The following CEMIP variants were observed in gnomAD, a reference collection of about 807,000 sequenced individuals.
CEMIP encodes cell migration inducing hyaluronidase 1.
Under a neutral mutation model 156.9 loss-of-function variants are expected in CEMIP, and 105 were observed. The ratio of observed to expected loss-of-function variants is 0.67; its 90% CI spans 0.57 to 0.79. CEMIP has a LOEUF of 0.79. Among genes scored for constraint, CEMIP ranks in the 30% least tolerant of loss-of-function variants. The pLI, the probability that CEMIP is intolerant of heterozygous loss-of-function variation, is 0.00. For missense variants in CEMIP, 1,457 were observed against 1,769.4 expected (o/e 0.82, Z 3.17); for synonymous variants, 676 against 668.4 (o/e 1.01, Z -0.17).
rs185473941 is a variant in CEMIP, at chr15:80,932,964, T to A, written c.2794-281T>A. On this transcript the variant is annotated intron_variant, in intron 22 of 29. Transcript: ENST00000394685. The surrounding 1 kb of genome is among the most constrained non-coding windows in gnomAD (Gnocchi z 4.5). ...ATCTCTGCAGTTGGTGAAGGCTGTG[T>A]GTCAGAGCAGTCTCCAAGCTCATCC... 7.9e-5 allele frequency among the ~76,000 whole-genome samples: 12 copies of A among 152,208 alleles called. No individual in the cohort carries two copies. Among genetic ancestry groups the A allele is most frequent in the African/African-American group, 2.9e-4 (12 of 41,448 alleles).
intron 1 of CEMIP, among the ~76,000 whole-genome samples, chr15:80,831,169 T>C (rs16972446): frequency 0.26 from 39,566 of 152,014 alleles, 5,180 homozygotes; most frequent in East Asian, 0.4. Context: ...ACTCCGCGTG[T>C]TTGAGAAAGA....
chr15:80,868,917 A>T (rs982093601), intron 1 of CEMIP, among the ~76,000 whole-genome samples: 2 of 152,178 alleles, frequency 1.3e-5, no homozygotes, highest in African/African-American at 4.8e-5. Flanking sequence ...TAGGTGATTT[A>T]CTCGAGGATG....
intron 6 of CEMIP, 127 bp downstream of exon 6, chr15:80,881,263 G>C: frequency 1.2e-6 from 1 of 856,184 alleles, no homozygotes; most frequent in East Asian, 2.4e-5. Context: ...GGGAATCCCT[G>C]CCTTCAAGGA....
chr15:80,811,665 C>G (rs1295802458), intron 1 of CEMIP, among the ~76,000 whole-genome samples: 1 of 152,226 alleles, frequency 6.6e-6, no homozygotes, highest in Non-Finnish European at 1.5e-5. Flanking sequence ...AACGATCCTC[C>G]TGTCTCAGCC....
intron 4 of CEMIP, among the ~76,000 whole-genome samples, chr15:80,879,256 C>A (rs930685981): frequency 3.3e-5 from 5 of 152,154 alleles, no homozygotes; most frequent in Non-Finnish European, 5.9e-5. Flanking sequence ...GGGTTCTGCT[C>A]GTGAATTCAA....
intron 14 of CEMIP, among the ~76,000 whole-genome samples, chr15:80,917,840 A>C (rs1900327893): frequency 6.6e-6 from 1 of 152,228 alleles, no homozygotes; most frequent in Admixed American, 6.5e-5. Context: ...AAAAAAAATT[A>C]AAATTGAATA....
At chr15:80,896,698 G>C (rs1377524719) in intron 12 of CEMIP, among the ~76,000 whole-genome samples, 1 of 152,150 alleles carries the variant, frequency 6.6e-6, no homozygotes, top group Non-Finnish European at 1.5e-5. Flanking sequence ...TATAATCCAG[G>C]TCAATTATTC....
At chr15:80,803,485 A>C (rs1339448399) in intron 1 of CEMIP, among the ~76,000 whole-genome samples, 1 of 152,222 alleles carries the variant, frequency 6.6e-6, no homozygotes, top group Non-Finnish European at 1.5e-5. Flanking sequence ...ATGAAAAAGA[A>C]TCTTAGAAGC....
At position 80,838,598 on chromosome 15, in the gene CEMIP, G is replaced by T. The variant is rs184448637; in HGVS notation, c.-175-34940G>T. On this transcript the variant is annotated intron_variant, in intron 1 of 29. Transcript: ENST00000394685. ...TAAGAAGTTCTCTTTCCTCTATGTT[G>T]TTCTACGCGCCTCATCCACCTCACT... Among the ~76,000 whole-genome samples the T allele has an allele frequency of 2.1e-4, 32 of 152,084 alleles. No individual in the cohort carries two copies. In the East Asian group the frequency reaches 4.3e-3, roughly 20 times the overall value.
At chr15:80,922,232 C>T (rs1900503572) in intron 17 of CEMIP, 95 bp downstream of exon 17, 1 of 1,472,024 alleles carries the variant, frequency 6.8e-7, no homozygotes. Flanking sequence ...TTGGCGACAG[C>T]TGGGAACAAC....
At chr15:80,878,532 T>C (rs1382996995) in intron 3 of CEMIP, among the ~76,000 whole-genome samples, 189 bp from the exon 4 acceptor site, 5 of 152,242 alleles carry the variant, frequency 3.3e-5, no homozygotes. Flanking sequence ...ATGCAAAATA[T>C]ATGACTGGTC....
chr15:80,929,040 C>T lies in CEMIP; in HGVS notation c.2478C>T (p.Asp826=), dbSNP rs373538296. 1.5e-5 allele frequency: 25 copies of T among 1,614,032 alleles called. No homozygotes were observed. Among genetic ancestry groups the T allele is most frequent in the African/African-American group, 8.0e-5 (6 of 74,912 alleles). ...TLASGGTFPY[D]DGSKQEIKNS... Reference sequence around the variant, plus strand: ...ACAGTGGTGGAACCTTCCCGTATGACGACGGCTCCAAGCAAGAGATAAAGA... The same window carrying T: ...ACAGTGGTGGAACCTTCCCGTATGATGACGGCTCCAAGCAAGAGATAAAGA... Residue 826 remains aspartate (D), a synonymous_variant, in exon 21 of 30, where the codon GAC becomes GAT. Coordinates refer to ENST00000394685, the MANE Select transcript of CEMIP (RefSeq NM_001293298.2).
At position 80,951,720 on chromosome 15, in the gene CEMIP, T is replaced by C. The variant is rs940589346; in HGVS notation, c.*2796T>C. On this transcript the variant is annotated 3_prime_UTR_variant, in exon 30 of 30. Coordinates refer to ENST00000394685, the MANE Select transcript of CEMIP (RefSeq NM_001293298.2). The stretch of plus-strand genomic sequence containing the variant: ...TGTACCTAGAGCCAAGGAAATTGGC[T>C]CTGGTTTGGAAAAATTTTGCTGTTA... 6.5e-6 allele frequency: 1 copy of C among 153,004 alleles called. No individual in the cohort carries two copies. Among genetic ancestry groups the C allele is most frequent in the Non-Finnish European group, 1.5e-5 (1 of 68,540 alleles). The allele number at this position is 153,004 out of a possible 1,614,324, so 9.5% of individuals were successfully genotyped here. A position where few individuals can be genotyped will look rare whatever the true frequency, so the allele number is the denominator to read the frequency against.
chr15:80,914,845 GT>G (rs56231929), intron 14 of CEMIP, among the ~76,000 whole-genome samples: 111,069 of 151,820 alleles, frequency 0.73, 43,895 homozygotes, highest in Non-Finnish European at 0.87. Flanking sequence ...GGAGACCGGA[GT>G]TTTTTTTATT....
intron 1 of CEMIP, among the ~76,000 whole-genome samples, chr15:80,838,648 A>AC (rs1029828293): frequency 2.0e-5 from 3 of 150,822 alleles, no homozygotes; most frequent in African/African-American, 7.3e-5. Context: ...TGATGATAAA[A>AC]CCCCCCGTGT....
chr15:80,886,771 T>C (rs1283899720), intron 7 of CEMIP, among the ~76,000 whole-genome samples: 1 of 152,158 alleles, frequency 6.6e-6, no homozygotes, highest in East Asian at 1.9e-4. Context: ...GAAAATGTGG[T>C]AGGACAAGGG....
intron 1 of CEMIP, among the ~76,000 whole-genome samples, chr15:80,870,049 C>T (rs1404820731): frequency 6.6e-6 from 1 of 152,220 alleles, no homozygotes; most frequent in East Asian, 1.9e-4. Context: ...CTGGAATTTA[C>T]AGTGCATCAT....
chr15:80,904,135 G>C (rs1261032949), intron 12 of CEMIP, among the ~76,000 whole-genome samples: 1 of 152,232 alleles, frequency 6.6e-6, no homozygotes, highest in African/African-American at 2.4e-5. Flanking sequence ...GCAGGGCACA[G>C]AGCTTTTTGG....
At chr15:80,863,031 A>C (rs569538804) in intron 1 of CEMIP, among the ~76,000 whole-genome samples, 1 of 152,272 alleles carries the variant, frequency 6.6e-6, no homozygotes, top group South Asian at 2.1e-4. Context: ...CAGTCACTCC[A>C]AACTGTAGGA....
Sources: allele counts gnomAD v4.1 joint callset (sites outside exome capture counted in the v4.1 genomes callset), GRCh38; gene constraint gnomAD v4.1.1; non-coding constraint Gnocchi (gnomAD v3.1); transcripts MANE v1.5; gene names NCBI Gene and HGNC (gene_info 2026-07-23, HGNC 2026-07-21).